USP45: variants seen among roughly 807,000 people sequenced by gnomAD.
The protein encoded by USP45 is ubiquitin carboxyl-terminal hydrolase 45.
In USP45, 89 loss-of-function variants were observed where a neutral mutation model predicts 95.8. The observed-to-expected ratio is 0.93, with a 90% CI of 0.78 to 1.11. The LOEUF (loss-of-function observed/expected upper bound fraction) is 1.11. Among genes scored for constraint, USP45 ranks in the 50% least tolerant of loss-of-function variants. The pLI is 0.00. For missense variants in USP45, 898 were observed against 942.5 expected (o/e 0.95, Z 0.62); for synonymous variants, 281 against 316.2 (o/e 0.89, Z 1.18).
chr6:99,435,597 CCATTTGAGGAA>C lies in USP45; in HGVS notation c.*108_*118del. The stretch of plus-strand genomic sequence containing the variant: ...ACCAAAATGGTGAAAAAGTTCAGGA[CCATTTGAGGAA>C]CATGCTATTCCTACAGAAGAGGGAA... On this transcript the variant is annotated 3_prime_UTR_variant, in exon 18 of 18. Coordinates refer to ENST00000500704, the MANE Select transcript of USP45 (RefSeq NM_001346022.3). The C allele has an allele frequency of 1.2e-6, 1 of 808,986 alleles. No homozygotes were observed. The highest frequency in any genetic ancestry group is 1.8e-6 in the Non-Finnish European group (1 of 561,118). 50.1% of individuals were successfully genotyped at this position (808,986 alleles called of 1,614,324 possible). A position where few individuals can be genotyped will look rare whatever the true frequency, so the allele number is the denominator to read the frequency against.
Position 99,434,941 on chromosome 6 carries a change from C to T in USP45, c.*775G>A, listed in dbSNP as rs1020968939. The T allele has an allele frequency of 3.3e-5, 5 of 152,162 alleles. No homozygotes were observed. Among genetic ancestry groups the T allele is most frequent in the African/African-American group, 1.2e-4 (5 of 41,402 alleles). The allele number at this position is 152,162 out of a possible 1,614,324, so 9.4% of individuals were successfully genotyped here. On this transcript the variant is annotated 3_prime_UTR_variant, in exon 18 of 18. Transcript: ENST00000500704. ...TGCAAGAGATATGTTTATGAAATGC[C>T]TCAATATAATTCTAGTTTTTCAAAA...
rs1484484881 is a variant in USP45, at chr6:99,432,917, A to G, written c.*2799T>C. 6.6e-6 allele frequency: 1 copy of G among 152,660 alleles called. No homozygotes were observed. The highest frequency in any genetic ancestry group is 1.5e-5 in the Non-Finnish European group (1 of 68,044). The allele number at this position is 152,660 out of a possible 1,614,324, so 9.5% of individuals were successfully genotyped here. A position where few individuals can be genotyped will look rare whatever the true frequency, so the allele number is the denominator to read the frequency against. ...ACATGGAAGCTAAGAACTATTAAAT[A>G]CAGTAAAATAGCTCTGTTGGTACAT... On this transcript the variant is annotated 3_prime_UTR_variant, in exon 18 of 18. Coordinates refer to ENST00000500704, the MANE Select transcript of USP45 (RefSeq NM_001346022.3).
intron 12 of USP45, 82 bp downstream of exon 12, chr6:99,464,998 C>G: frequency 8.4e-7 from 1 of 1,192,728 alleles, no homozygotes; most frequent in South Asian, 1.6e-5. Context: ...TCTCAGATAT[C>G]TGGTAATATA....
At position 99,443,988 on chromosome 6, in the gene USP45, G is replaced by A. The variant is rs1036048269; in HGVS notation, c.1976-326C>T. Reference sequence around the variant, plus strand: ...ATCACCAGAAGCACGTGTAGTTGAAGAATTTGGGTTTAAAAAGATTTCTAG... The same window carrying A: ...ATCACCAGAAGCACGTGTAGTTGAAAAATTTGGGTTTAAAAAGATTTCTAG... On this transcript the variant is annotated intron_variant, in intron 14 of 17. Transcript: ENST00000500704. 3.3e-5 allele frequency among the ~76,000 whole-genome samples: 5 copies of A among 151,910 alleles called. No individual in the cohort carries two copies. In the South Asian group the frequency reaches 1.0e-3, roughly 32 times the overall value.
intron 1 of USP45, 96 bp downstream of exon 1, chr6:99,515,295 GC>G (rs1359143611): frequency 6.6e-6 from 1 of 152,160 alleles, no homozygotes; most frequent in Admixed American, 6.5e-5. Flanking sequence ...TTCCAGCCTC[GC>G]CCACCCACAA....
In USP45 at chr6:99,437,272, T is replaced by C. The variant is rs1410800583; in HGVS notation, c.2288A>G (p.His763Arg). 5.6e-6 allele frequency: 9 copies of C among 1,610,292 alleles called. No homozygotes were observed. Among genetic ancestry groups the C allele is most frequent in the South Asian group, 1.1e-5 (1 of 89,826 alleles). ...VRTPSRKLSE[H>R]NTKKKNVPGL... ...AGGCACATTTTTCTTTTTAGTGTTA[T>C]GTTCCGATAATTTCCTGGAGGGTGT... Residue 763 changes from histidine to arginine, a missense_variant, in exon 17 of 18, where the codon CAT (histidine) becomes CGT (arginine). Coordinates refer to ENST00000500704, the MANE Select transcript of USP45 (RefSeq NM_001346022.3).
chr6:99,462,057 A>G (rs1464938209), intron 13 of USP45: 9 of 985,290 alleles, frequency 9.1e-6, no homozygotes, highest in Non-Finnish European at 1.1e-5. Context: ...TAAAGATGTT[A>G]TTAGAACTGT....
intron 1 of USP45, among the ~76,000 whole-genome samples, chr6:99,513,418 C>T (rs962083173): frequency 5.3e-5 from 8 of 152,154 alleles, no homozygotes; most frequent in African/African-American, 1.7e-4. Context: ...CATAAGCAGA[C>T]GGCAAATTTG....
intron 4 of USP45, 78 bp downstream of exon 4, chr6:99,507,350 T>C: frequency 1.4e-6 from 1 of 712,514 alleles, no homozygotes; most frequent in Non-Finnish European, 2.3e-6. Context: ...TTAAATATTT[T>C]ACCTTAAAAG....
upstream of USP45, among the ~76,000 whole-genome samples, chr6:99,516,782 G>C (rs1339241554): frequency 6.6e-6 from 1 of 152,084 alleles, no homozygotes; most frequent in Non-Finnish European, 1.5e-5. Flanking sequence ...GAACTTGGAA[G>C]AACAAGAACA....
chr6:99,481,703 G>A (rs1277746427), intron 8 of USP45, among the ~76,000 whole-genome samples: 1 of 152,032 alleles, frequency 6.6e-6, no homozygotes, highest in African/African-American at 2.4e-5. Context: ...ACTCTCTACT[G>A]TTGCCATCTT....
chr6:99,460,826 A>G (rs1391953833), intron 13 of USP45: 1 of 983,682 alleles, frequency 1.0e-6, no homozygotes, highest in Non-Finnish European at 1.2e-6. Context: ...ACCTTTTATA[A>G]TAACTAAAAA....
At chr6:99,471,805 G>A (rs953185697) in intron 9 of USP45, among the ~76,000 whole-genome samples, 1 of 152,182 alleles carries the variant, frequency 6.6e-6, no homozygotes, top group African/African-American at 2.4e-5. Flanking sequence ...ACACATGGCA[G>A]TGACACCCTA....
intron 13 of USP45, chr6:99,460,746 G>C: frequency 2.0e-6 from 2 of 977,808 alleles, no homozygotes; most frequent in South Asian, 9.5e-5. Context: ...TAAATAAGAG[G>C]ACTATGATTT....
intron 13 of USP45, among the ~76,000 whole-genome samples, chr6:99,455,244 C>T (rs576521038): frequency 2.7e-5 from 3 of 111,944 alleles, no homozygotes; most frequent in South Asian, 4.5e-4. Flanking sequence ...GAGTTTGAGA[C>T]CACCAGCCTG....
At chr6:99,516,899 G>A (rs1285155275), upstream of USP45, among the ~76,000 whole-genome samples, 2 of 151,946 alleles carry the variant, frequency 1.3e-5, no homozygotes, top group African/African-American at 2.4e-5. Context: ...TTTTTAAAAG[G>A]GATTGAATTA....
At chr6:99,436,003 C>CT (rs898462389) in intron 17 of USP45, among the ~76,000 whole-genome samples, 157 bp from the exon 18 acceptor site, 25 of 147,770 alleles carry the variant, frequency 1.7e-4, no homozygotes, top group Non-Finnish European at 2.1e-4. Flanking sequence ...CCAAAAAGAA[C>CT]TTTTTTTTTT....
chr6:99,435,470 G>T lies in USP45; in HGVS notation c.*246C>A. ...GTTTCCTTTCCTACTGTAAATTCTG[G>T]GAAGTTTTTGTACCCCAGAATAAAT... On this transcript the variant is annotated 3_prime_UTR_variant, in exon 18 of 18. Transcript: ENST00000500704. 3.2e-6 allele frequency: 1 copy of T among 308,586 alleles called. No individual in the cohort carries two copies. Among genetic ancestry groups the T allele is most frequent in the Non-Finnish European group, 5.9e-6 (1 of 170,304 alleles). 19.1% of individuals were successfully genotyped at this position (308,586 alleles called of 1,614,324 possible). A position where few individuals can be genotyped will look rare whatever the true frequency, so the allele number is the denominator to read the frequency against.
At chr6:99,487,667 C>T (rs930583010) in intron 7 of USP45, among the ~76,000 whole-genome samples, 1 of 149,406 alleles carries the variant, frequency 6.7e-6, no homozygotes, top group African/African-American at 2.5e-5. Flanking sequence ...GTTAGCCGGG[C>T]GCCTATAGTC....
Sources: allele counts gnomAD v4.1 joint callset (sites outside exome capture counted in the v4.1 genomes callset), GRCh38; gene constraint gnomAD v4.1.1; transcripts MANE v1.5; gene names NCBI Gene and HGNC (gene_info 2026-07-23, HGNC 2026-07-21).